CHMP3: variants seen among roughly 807,000 people sequenced by gnomAD.
CHMP3 encodes 25.1 protein.
In CHMP3, 8 loss-of-function variants were observed where a neutral mutation model predicts 27.4. The observed-to-expected ratio is 0.29, with a 90% CI of 0.17 to 0.53. The LOEUF (loss-of-function observed/expected upper bound fraction) is 0.53. Among genes scored for constraint, CHMP3 ranks in the 20% least tolerant of loss-of-function variants. The pLI, the probability that CHMP3 is intolerant of heterozygous loss-of-function variation, is 0.96. For synonymous variants in CHMP3, 86 were observed against 85.5 expected (o/e 1.01, Z -0.03); for missense variants, 208 against 271.5 (o/e 0.77, Z 1.64).
chr2:86,531,053 T>C (rs2103950403), intron 2 of CHMP3, among the ~76,000 whole-genome samples: 1 of 152,376 alleles, frequency 6.6e-6, no homozygotes, highest in East Asian at 1.9e-4. Flanking sequence ...TTTTAGGTGT[T>C]CTGTATATAC....
intron 3 of CHMP3, among the ~76,000 whole-genome samples, chr2:86,520,942 A>G (rs995224898): frequency 6.6e-6 from 1 of 152,228 alleles, no homozygotes; most frequent in Non-Finnish European, 1.5e-5. Flanking sequence ...AAAAGAAGTA[A>G]AAATGATGAC....
At position 86,520,878 on chromosome 2, in the gene CHMP3, C is replaced by T. The variant is rs1448348434; in HGVS notation, c.286+8340G>A. Among the ~76,000 whole-genome samples the T allele has an allele frequency of 3.3e-5, 5 of 152,298 alleles. No homozygotes were observed. The South Asian group carries it at 8.3e-4, about 25-fold the overall frequency. On this transcript the variant is annotated intron_variant, in intron 3 of 5. Transcript: ENST00000263856. ...CTGAGCCCAAGCCAAGCCATCGCAT[C>T]CCCTGTGACTTGCACGTATACATCC...
Position 86,529,234 on chromosome 2 carries a change from C to A in CHMP3, c.270G>T (p.Gly90=). 1.2e-6 allele frequency: 2 copies of A among 1,606,158 alleles called. No homozygotes were observed. Among genetic ancestry groups the A allele is most frequent in the East Asian group, 2.3e-5 (1 of 44,224 alleles). ...CAGCCTTACCGAGCTGGTTCTTCATCCCCATGAGCACTGAGTTCATGTGTG... is the reference window on the plus strand; with the variant it reads ...CAGCCTTACCGAGCTGGTTCTTCATACCCATGAGCACTGAGTTCATGTGTG... ...SKAHMNSVLM[G]MKNQLAVLRV... Residue 90 remains glycine, a synonymous_variant, in exon 3 of 6, where the codon GGG becomes GGT. Transcript: ENST00000263856.
At chr2:86,547,833 T>TA (rs1288549247) in intron 1 of CHMP3, among the ~76,000 whole-genome samples, 1 of 152,132 alleles carries the variant, frequency 6.6e-6, no homozygotes, top group Non-Finnish European at 1.5e-5. Context: ...GTGTACAGAA[T>TA]AAAAAATCAA....
intron 3 of CHMP3, among the ~76,000 whole-genome samples, chr2:86,526,198 A>G (rs1443412531): frequency 1.3e-5 from 2 of 152,382 alleles, no homozygotes; most frequent in East Asian, 1.9e-4. Flanking sequence ...GTGTATGATA[A>G]AAGAGTTTTT....
At chr2:86,525,434 C>G (rs886362826) in intron 3 of CHMP3, among the ~76,000 whole-genome samples, 1 of 151,762 alleles carries the variant, frequency 6.6e-6, no homozygotes, top group Non-Finnish European at 1.5e-5. Context: ...TGTCTGGTGA[C>G]TCCTTTCCCG....
chr2:86,554,205 A>C (rs776683705), intron 1 of CHMP3, among the ~76,000 whole-genome samples: 1 of 152,230 alleles, frequency 6.6e-6, no homozygotes, highest in African/African-American at 2.4e-5. Flanking sequence ...CCTGGTCTCC[A>C]TAACTGTAGA....
At chr2:86,532,469 G>A (rs113690542) in intron 2 of CHMP3, among the ~76,000 whole-genome samples, 2,287 of 152,020 alleles carry the variant, frequency 0.015, 67 homozygotes, top group African/African-American at 0.052. Flanking sequence ...GTTCAGTATC[G>A]TGTTAAAGAG....
chr2:86,517,275 T>A (rs1269395808), intron 3 of CHMP3, among the ~76,000 whole-genome samples: 4 of 152,070 alleles, frequency 2.6e-5, no homozygotes, highest in African/African-American at 9.7e-5. Flanking sequence ...AACTAAAAAA[T>A]TAGTTTCATG....
At chr2:86,545,561 G>A (rs546512189) in intron 1 of CHMP3, among the ~76,000 whole-genome samples, 3 of 107,718 alleles carry the variant, frequency 2.8e-5, no homozygotes, top group Non-Finnish European at 3.8e-5. Flanking sequence ...GGGCAGAGGC[G>A]CTCCTCACTT....
At chr2:86,527,011 G>A (rs1437279825) in intron 3 of CHMP3, 1 of 152,086 alleles carries the variant, frequency 6.6e-6, no homozygotes, top group Non-Finnish European at 1.5e-5. Context: ...GGAGAGAAGA[G>A]AATGAAACTG....
At position 86,529,212 on chromosome 2, in the gene CHMP3, C is replaced by A; in HGVS notation, c.286+6G>T. 1 of 1,600,888 alleles carries A rather than the reference C, an allele frequency of 6.2e-7. No individual in the cohort carries two copies. The highest frequency in any genetic ancestry group is 1.3e-5 in the African/African-American group (1 of 74,294). ...TGAGGTGACTGTAAGGTAAGTGCAG[C>A]CTTACCGAGCTGGTTCTTCATCCCC... is the stretch of plus-strand genomic sequence containing the variant. On this transcript the variant is annotated splice_donor_region_variant and intron_variant, in intron 3 of 5. Transcript: ENST00000263856.
chr2:86,517,896 T>G (rs548897211), intron 3 of CHMP3, among the ~76,000 whole-genome samples: 1 of 151,944 alleles, frequency 6.6e-6, no homozygotes, highest in Admixed American at 6.6e-5. Flanking sequence ...TGGCTCGTGC[T>G]TGTAGTCCCA....
chr2:86,545,862 GCTC>G (rs1211925732), intron 1 of CHMP3, among the ~76,000 whole-genome samples: 1 of 150,662 alleles, frequency 6.6e-6, no homozygotes, highest in Non-Finnish European at 1.5e-5. Flanking sequence ...GGGCAGAGGC[GCTC>G]CTCACTTCCC....
At chr2:86,558,162 G>A (rs1202781076) in intron 1 of CHMP3, among the ~76,000 whole-genome samples, 1 of 152,204 alleles carries the variant, frequency 6.6e-6, no homozygotes, top group East Asian at 1.9e-4. Flanking sequence ...AGAACCTCAA[G>A]TCTAAGAGAA....
Position 86,563,300 on chromosome 2 carries a change from T to C in CHMP3, c.45+4A>G, listed in dbSNP as rs1677469581. ...CGCTTATCTGCCGCCGCCGTAGCCC[T>C]TACCAGTTCTTTGGGCGGCTTCTCC... On this transcript the variant is annotated splice_donor_region_variant and intron_variant, in intron 1 of 5. Coordinates refer to ENST00000263856, the MANE Select transcript of CHMP3 (RefSeq NM_016079.4). The C allele has an allele frequency of 6.2e-7, 1 of 1,614,034 alleles. No homozygotes were observed. Among genetic ancestry groups the C allele is most frequent in the Non-Finnish European group, 8.5e-7 (1 of 1,179,910 alleles).
chr2:86,543,317 T>G (rs1440572068), intron 1 of CHMP3, among the ~76,000 whole-genome samples: 1 of 152,238 alleles, frequency 6.6e-6, no homozygotes, highest in Non-Finnish European at 1.5e-5. Context: ...CAACAACAAT[T>G]GTAATAATTT....
At chr2:86,555,072 T>C (rs1038875220) in intron 1 of CHMP3, among the ~76,000 whole-genome samples, 1 of 152,086 alleles carries the variant, frequency 6.6e-6, no homozygotes, top group African/African-American at 2.4e-5. Context: ...GGTCTTGAAC[T>C]CCTGACCTCA....
At chr2:86,517,565 C>CA (rs70956116) in intron 3 of CHMP3, among the ~76,000 whole-genome samples, 41,949 of 90,040 alleles carry the variant, frequency 0.47, 9,711 homozygotes, top group East Asian at 0.74. Flanking sequence ...GACTCCGTCT[C>CA]AAAAAAAAAA....
Sources: gnomAD v4.1 joint callset for allele counts (sites outside exome capture counted in the v4.1 genomes callset) on GRCh38, gnomAD v4.1.1 for gene constraint, MANE v1.5 for transcripts, NCBI Gene and HGNC (gene_info 2026-07-23, HGNC 2026-07-21) for gene names.